The following COL9A1 variants were observed in gnomAD, a reference collection of about 807,000 sequenced individuals.
COL9A1 encodes collagen type IX alpha 1 chain.
A neutral mutation model predicts 142.6 loss-of-function variants in COL9A1; 104 were observed. That is an observed-to-expected ratio of 0.73 (90% CI 0.62 to 0.86). The LOEUF is 0.86. Among genes scored for constraint, COL9A1 ranks in the 40% least tolerant of loss-of-function variants. The pLI is 0.00. For missense variants in COL9A1, 1,210 were observed against 1,176.6 expected, an observed-to-expected ratio of 1.03 and a Z score of -0.42; for synonymous variants, 466 against 396.0, an observed-to-expected ratio of 1.18 and a Z score of -2.10.
At position 70,299,957 on chromosome 6, in the gene COL9A1, C is replaced by T. The variant is rs1773995721; in HGVS notation, c.299+86G>A. ...CAATTATAATCCAAGAAACATTGAT[C>T]ATAAGAAAACTCTAACATTGGATAG... On this transcript the variant is annotated intron_variant, in intron 4 of 37. Coordinates refer to ENST00000357250, the MANE Select transcript of COL9A1 (RefSeq NM_001851.6). The T allele has an allele frequency of 2.3e-6, 3 of 1,279,102 alleles. No individual in the cohort carries two copies. The East Asian group carries it at 7.1e-5, about 30-fold the overall frequency. 79.2% of individuals were successfully genotyped at this position (1,279,102 alleles called of 1,614,324 possible).
At chr6:70,292,556 A>G (rs1331803707) in intron 5 of COL9A1, among the ~76,000 whole-genome samples, 97 of 152,218 alleles carry the variant, frequency 6.4e-4, no homozygotes, top group Non-Finnish European at 1.6e-4. Flanking sequence ...AGGCTATAGT[A>G]TAATGAAGTA....
At chr6:70,266,329 G>C (rs1772011134) in intron 18 of COL9A1, among the ~76,000 whole-genome samples, 1 of 152,156 alleles carries the variant, frequency 6.6e-6, no homozygotes, top group Admixed American at 6.5e-5. Flanking sequence ...CTGTTTGCTA[G>C]TCTCAGCAAC....
chr6:70,254,586 T>A (rs573629008), intron 24 of COL9A1, 57 bp from the exon 25 acceptor site: 1 of 1,530,700 alleles, frequency 6.5e-7, no homozygotes, highest in East Asian at 2.3e-5. Context: ...GTATTTCTTT[T>A]AAGAAACGGA....
chr6:70,254,552 A>G (rs1269677273), intron 24 of COL9A1, 23 bp from the exon 25 acceptor site: 2 of 1,612,222 alleles, frequency 1.2e-6, no homozygotes, highest in East Asian at 2.2e-5. Context: ...CTTTTATCAC[A>G]TGATTGAACC....
Position 70,294,283 on chromosome 6 carries a change from G to C in COL9A1, c.580C>G (p.Leu194Val). The C allele has an allele frequency of 6.2e-7, 1 of 1,614,014 alleles. No individual in the cohort carries two copies. Among genetic ancestry groups the C allele is most frequent in the Non-Finnish European group, 8.5e-7 (1 of 1,179,960 alleles). Reference sequence around the variant, plus strand: ...TCAATCCTGTTGCAGTCAACAAAAAGAGTAGCACTACTCCTCTCCACGCCA... The same window carrying C: ...TCAATCCTGTTGCAGTCAACAAAAACAGTAGCACTACTCCTCTCCACGCCA... ...MIGVERSSAT[L>V]FVDCNRIESL... The change falls in exon 5 of 38, where the codon CTT becomes GTT. Residue 194 changes from leucine (L) to valine (V), a missense_variant. Physicochemically the swap from Leu to Val is conservative, Grantham distance 32 (BLOSUM62 1). Coordinates refer to ENST00000357250, the MANE Select transcript of COL9A1 (RefSeq NM_001851.6).
chr6:70,230,159 C>T (rs1044189442), intron 36 of COL9A1, among the ~76,000 whole-genome samples: 2 of 152,166 alleles, frequency 1.3e-5, no homozygotes, highest in Non-Finnish European at 2.9e-5. Flanking sequence ...AATGTTTATG[C>T]TCAGGGAAAT....
At chr6:70,280,437 G>A in intron 10 of COL9A1, 1 of 1,203,358 alleles carries the variant, frequency 8.3e-7, no homozygotes. Context: ...GAGCCTGCCA[G>A]TGGGCTCACA....
At chr6:70,257,063 T>C (rs1393905117) in intron 20 of COL9A1, among the ~76,000 whole-genome samples, 2 of 145,916 alleles carry the variant, frequency 1.4e-5, no homozygotes, top group Admixed American at 6.8e-5. Flanking sequence ...TTTTTTTTTT[T>C]TTTTTTTTTT....
intron 25 of COL9A1, 57 bp downstream of exon 25, chr6:70,254,418 TG>T (rs568680572): frequency 2.6e-6 from 4 of 1,518,406 alleles, no homozygotes; most frequent in Middle Eastern, 1.7e-4. Flanking sequence ...CTCCCCAAAA[TG>T]TATATCTTTA....
rs759288929 is a variant in COL9A1, at chr6:70,263,312, GAAA to G, written c.1342-18_1342-16del. Reference sequence around the variant, plus strand: ...CCTTCTTCACCCTAAAGAAAAAAAAGAAAAAAGAAAAGCACACCAAATGTTATT... The same window carrying G: ...CCTTCTTCACCCTAAAGAAAAAAAAGAAAGAAAAGCACACCAAATGTTATT... On this transcript the variant is annotated splice_polypyrimidine_tract_variant and intron_variant, in intron 18 of 37. Transcript: ENST00000357250. The G allele has an allele frequency of 1.2e-5, 20 of 1,603,370 alleles. No homozygotes were observed. The highest frequency in any genetic ancestry group is 1.7e-5 in the Non-Finnish European group (20 of 1,174,636).
intron 14 of COL9A1, among the ~76,000 whole-genome samples, chr6:70,271,442 A>G (rs1772396126): frequency 6.6e-6 from 1 of 152,222 alleles, no homozygotes; most frequent in Non-Finnish European, 1.5e-5. Flanking sequence ...AGTTGGGAAG[A>G]AAAGTTTAGC....
At chr6:70,248,316 G>A (rs1218732811) in intron 28 of COL9A1, among the ~76,000 whole-genome samples, 2 of 152,158 alleles carry the variant, frequency 1.3e-5, no homozygotes, top group African/African-American at 4.8e-5. Context: ...GCACCAAAAT[G>A]AACAGACAAT....
chr6:70,299,593 G>T (rs926456181), intron 4 of COL9A1, among the ~76,000 whole-genome samples: 18 of 152,020 alleles, frequency 1.2e-4, no homozygotes, highest in African/African-American at 3.9e-4. Flanking sequence ...GTTTTGCTTT[G>T]GTTTGATGTC....
chr6:70,255,701 A>C (rs1771239389), intron 21 of COL9A1, among the ~76,000 whole-genome samples: 1 of 152,230 alleles, frequency 6.6e-6, no homozygotes, highest in Admixed American at 6.5e-5. Flanking sequence ...CTGCATGTAC[A>C]TATCAGCTAA....
chr6:70,267,327 G>GTTGTTTTTTTT (rs1554241920), intron 17 of COL9A1, among the ~76,000 whole-genome samples: 31 of 127,058 alleles, frequency 2.4e-4, no homozygotes, highest in Middle Eastern at 4.4e-3. Context: ...TGGTTTTTTT[G>GTTGTTTTTTTT]TTTTTTTTTT....
rs374021030 is a variant in COL9A1 at position 70,240,038 on chromosome 6, A to C, written c.2079+651T>G. ...AGCTCTCTAAAACTGTTTTCTGAAA[A>C]ATCTATTACCCTACCCCAAAGGACC... On this transcript the variant is annotated intron_variant, in intron 32 of 37. Coordinates refer to ENST00000357250, the MANE Select transcript of COL9A1 (RefSeq NM_001851.6). 7.2e-5 allele frequency among the ~76,000 whole-genome samples: 11 copies of C among 152,268 alleles called. No homozygotes were observed. The East Asian group carries it at 1.9e-3, about 27-fold the overall frequency.
At chr6:70,263,165 A>T in intron 19 of COL9A1, 79 bp downstream of exon 19, 1 of 1,207,872 alleles carries the variant, frequency 8.3e-7, no homozygotes, top group South Asian at 1.4e-5. Flanking sequence ...CCAACTGCTA[A>T]ATAGAAAATA....
At chr6:70,249,855 G>A (rs567329448) in intron 28 of COL9A1, among the ~76,000 whole-genome samples, 1 of 152,230 alleles carries the variant, frequency 6.6e-6, no homozygotes, top group Admixed American at 6.5e-5. Context: ...CTGGTGACTG[G>A]CCAAGCAGCT....
Position 70,294,582 on chromosome 6 carries a change from T to C in COL9A1, c.300-19A>G, listed in dbSNP as rs778535269. Reference sequence around the variant, plus strand: ...TAAATTCCTGAGTAAAATTTTTAAATAGTAAACATGCATCTTGTTTCCTGT... The same window carrying C: ...TAAATTCCTGAGTAAAATTTTTAAACAGTAAACATGCATCTTGTTTCCTGT... On this transcript the variant is annotated intron_variant, in intron 4 of 37. Transcript: ENST00000357250. 43 of 1,612,238 alleles carry C rather than the reference T, an allele frequency of 2.7e-5. No homozygotes were observed. The highest frequency in any genetic ancestry group is 3.5e-5 in the Non-Finnish European group (41 of 1,178,674).
Sources: allele counts gnomAD v4.1 joint callset (sites outside exome capture counted in the v4.1 genomes callset), GRCh38; gene constraint gnomAD v4.1.1; transcripts MANE v1.5; gene names NCBI Gene and HGNC (gene_info 2026-07-23, HGNC 2026-07-21).